RRAS2: variants seen among roughly 807,000 people sequenced by gnomAD.
RRAS2 encodes the protein ras-related protein R-Ras2.
In RRAS2, 7 loss-of-function variants were observed where a neutral mutation model predicts 27.6. That is an observed-to-expected ratio of 0.25 (90% CI 0.14 to 0.48). The LOEUF (loss-of-function observed/expected upper bound fraction) is 0.48, where lower values mean the gene tolerates loss of function less well. Among genes scored for constraint, RRAS2 ranks in the 20% least tolerant of loss-of-function variants. RRAS2 has a pLI of 0.99. For synonymous variants in RRAS2, 86 were observed against 90.9 expected (o/e 0.95, Z 0.31); for missense variants, 178 against 256.2 (o/e 0.69, Z 2.08).
chr11:14,289,089 G>C (rs1384662659), intron 4 of RRAS2, among the ~76,000 whole-genome samples: 3 of 152,188 alleles, frequency 2.0e-5, no homozygotes, highest in African/African-American at 7.2e-5. Flanking sequence ...ATAAGGCACA[G>C]ATAACGCCAC....
intron 1 of RRAS2, among the ~76,000 whole-genome samples, chr11:14,333,677 T>C (rs1288601821): frequency 7.0e-6 from 1 of 142,462 alleles, no homozygotes; most frequent in Admixed American, 7.0e-5. Context: ...GACAGGTCTC[T>C]GTCGCCCAGG....
intron 1 of RRAS2, among the ~76,000 whole-genome samples, chr11:14,352,754 T>C (rs199590889): frequency 8.4e-6 from 1 of 118,680 alleles, no homozygotes; most frequent in African/African-American, 3.1e-5. Flanking sequence ...AATATATATA[T>C]ATAGAGAGAG....
chr11:14,347,072 G>A (rs958258763), intron 1 of RRAS2, among the ~76,000 whole-genome samples: 1 of 152,086 alleles, frequency 6.6e-6, no homozygotes, highest in African/African-American at 2.4e-5. Context: ...GACAGGAGGA[G>A]GGTTACTAAA....
At chr11:14,331,958 G>A (rs550669197) in intron 1 of RRAS2, among the ~76,000 whole-genome samples, 8 of 152,234 alleles carry the variant, frequency 5.3e-5, no homozygotes, top group Admixed American at 1.3e-4. Flanking sequence ...ATCATTAGTC[G>A]TCAAGGAAAA....
In RRAS2 at chr11:14,359,131, T is replaced by A; in HGVS notation, c.-261A>T. 9.7e-7 allele frequency: 1 copy of A among 1,034,364 alleles called. No homozygotes were observed. The highest frequency in any genetic ancestry group is 1.2e-6 in the Non-Finnish European group (1 of 862,836). The allele number at this position is 1,034,364 out of a possible 1,614,324, so 64.1% of individuals were successfully genotyped here. ...GCCGGGGGGCGCGCTCCTCTACGCG[T>A]CTCCGCAGCGCCTGCCGAACGCAGC... is the stretch of plus-strand genomic sequence containing the variant. On this transcript the variant is annotated 5_prime_UTR_variant, in exon 1 of 6. Transcript: ENST00000256196.
At chr11:14,308,970 G>C (rs1554948472) in intron 1 of RRAS2, among the ~76,000 whole-genome samples, 1 of 152,176 alleles carries the variant, frequency 6.6e-6, no homozygotes, top group African/African-American at 2.4e-5. Flanking sequence ...GGGCTATTGT[G>C]AAGATTAAAT....
intron 1 of RRAS2, among the ~76,000 whole-genome samples, chr11:14,340,352 C>T (rs1262686761): frequency 2.6e-5 from 4 of 151,830 alleles, no homozygotes; most frequent in Non-Finnish European, 4.4e-5. Context: ...CCAGCTGCCT[C>T]GGCCTCCCAA....
At chr11:14,305,065 C>G (rs1554947914) in intron 1 of RRAS2, among the ~76,000 whole-genome samples, 1 of 152,148 alleles carries the variant, frequency 6.6e-6, no homozygotes, top group Non-Finnish European at 1.5e-5. Flanking sequence ...CTTTTAGTTC[C>G]TTTTTAACAA....
chr11:14,289,137 T>C (rs1294037235), intron 4 of RRAS2, among the ~76,000 whole-genome samples: 1 of 152,088 alleles, frequency 6.6e-6, no homozygotes. Flanking sequence ...GAGGGGTTCT[T>C]TTTCCTAGGA....
chr11:14,279,366 T>G lies in RRAS2; in HGVS notation c.586A>C (p.Lys196Gln). The change falls in exon 6 of 6, where the codon AAG (lysine) becomes CAG (glutamine). Residue 196 changes from lysine to glutamine, a missense_variant. Transcript: ENST00000256196. The part of the protein sequence containing the change: ...SPEPTRKEKD[K>Q]KGCHCVIF ...AAAATGACACAATGGCAGCCTTTCT[T>G]GTCTTTTTCTTTCCGTGTTGGTTCT... 6.2e-7 allele frequency: 1 copy of G among 1,612,712 alleles called. No individual in the cohort carries two copies. Among genetic ancestry groups the G allele is most frequent in the Non-Finnish European group, 8.5e-7 (1 of 1,178,808 alleles).
At chr11:14,294,718 C>A (rs782189857) in intron 3 of RRAS2, 42 bp downstream of exon 3, 13 of 1,581,052 alleles carry the variant, frequency 8.2e-6, no homozygotes, top group Non-Finnish European at 1.0e-5. Context: ...GTCTAGTGAT[C>A]TTGACAAGAA....
chr11:14,339,056 G>A (rs1299377624), intron 1 of RRAS2, among the ~76,000 whole-genome samples: 1 of 152,080 alleles, frequency 6.6e-6, no homozygotes, highest in Non-Finnish European at 1.5e-5. Flanking sequence ...GAGAATGAGA[G>A]ATGACAGCCA....
At chr11:14,304,084 C>G (rs1554947763) in intron 1 of RRAS2, among the ~76,000 whole-genome samples, 1 of 152,200 alleles carries the variant, frequency 6.6e-6, no homozygotes, top group Non-Finnish European at 1.5e-5. Context: ...TAACGTCTTT[C>G]TAAGTACAAA....
At chr11:14,301,496 T>C (rs1014875848) in intron 1 of RRAS2, among the ~76,000 whole-genome samples, 1 of 152,262 alleles carries the variant, frequency 6.6e-6, no homozygotes. Context: ...TTTTATTTTT[T>C]ACTTTTATTG....
At chr11:14,313,670 C>T (rs1848030632) in intron 1 of RRAS2, among the ~76,000 whole-genome samples, 1 of 152,086 alleles carries the variant, frequency 6.6e-6, no homozygotes, top group Non-Finnish European at 1.5e-5. Flanking sequence ...AAGGCAGAGG[C>T]AGAGATTGGA....
At chr11:14,362,470 A>G (rs530717863), upstream of RRAS2, among the ~76,000 whole-genome samples, 5 of 148,108 alleles carry the variant, frequency 3.4e-5, no homozygotes, top group South Asian at 1.0e-3. Flanking sequence ...AGCATACAGC[A>G]GAAAGAAACT....
chr11:14,326,666 G>A (rs1275678287), intron 1 of RRAS2, among the ~76,000 whole-genome samples: 1 of 152,136 alleles, frequency 6.6e-6, no homozygotes, highest in East Asian at 1.9e-4. Context: ...TTGGGAGGGG[G>A]AGGGGACAGG....
intron 4 of RRAS2, among the ~76,000 whole-genome samples, chr11:14,287,310 CAT>C (rs1849686435): frequency 6.6e-6 from 1 of 152,130 alleles, no homozygotes; most frequent in East Asian, 1.9e-4. Context: ...AAAGTAAACA[CAT>C]GTTAAGTAAA....
chr11:14,293,782 T>G (rs1847475226), intron 4 of RRAS2, among the ~76,000 whole-genome samples: 1 of 152,182 alleles, frequency 6.6e-6, no homozygotes, highest in Admixed American at 6.5e-5. Context: ...GAGAATGGAC[T>G]AATACAAATG....
Sources: gnomAD v4.1 joint callset for allele counts (sites outside exome capture counted in the v4.1 genomes callset) on GRCh38, gnomAD v4.1.1 for gene constraint, MANE v1.5 for transcripts, NCBI Gene and HGNC (gene_info 2026-07-23, HGNC 2026-07-21) for gene names.